The following RYR3 variants were observed in gnomAD, a reference collection of about 807,000 sequenced individuals.
RYR3 encodes the protein ryanodine receptor 3, also known as brain ryanodine receptor-calcium release channel.
In RYR3, 207 loss-of-function variants were observed where a neutral mutation model predicts 584.3. The ratio of observed to expected loss-of-function variants is 0.35; its 90% CI spans 0.32 to 0.40. RYR3 has a LOEUF of 0.40. Ranked by LOEUF, RYR3 falls within the 10% of genes least tolerant of loss-of-function variation. The pLI is 1.00. For missense variants in RYR3, 5,616 were observed against 6,089.2 expected, an observed-to-expected ratio of 0.92 and a Z score of 2.59; for synonymous variants, 2,416 against 2,248.5, an observed-to-expected ratio of 1.07 and a Z score of -2.11.
At chr15:33,473,242 G>C (rs2049080810) in intron 1 of RYR3, 177 bp from the exon 2 acceptor site, 2 of 781,374 alleles carry the variant, frequency 2.6e-6, no homozygotes, top group South Asian at 2.7e-5. Flanking sequence ...CACGGTAGAT[G>C]CTCCGTGATG....
Position 33,728,924 on chromosome 15 carries a change from G to C in RYR3, c.7101G>C (p.Leu2367=). The change falls in exon 47 of 104, where the codon CTG becomes CTC. Residue 2367 remains leucine (L), a synonymous_variant. Coordinates refer to ENST00000634891, the MANE Select transcript of RYR3 (RefSeq NM_001036.6). The stretch of plus-strand genomic sequence containing the variant: ...CTGACCACAAGGCACCTATGGTGCT[G>C]TTCTTGGACCGCGTTTATGGCATTA... ...FCPDHKAPMV[L]FLDRVYGIKD... 6.2e-7 allele frequency: 1 copy of C among 1,613,770 alleles called. No individual in the cohort carries two copies. The highest frequency in any genetic ancestry group is 8.5e-7 in the Non-Finnish European group (1 of 1,179,818).
intron 1 of RYR3, among the ~76,000 whole-genome samples, chr15:33,313,162 T>C (rs1000408170): frequency 4.6e-5 from 7 of 152,358 alleles, no homozygotes; most frequent in Non-Finnish European, 1.0e-4. Flanking sequence ...TAAGGTGTGT[T>C]CCTCATTTCT....
chr15:33,418,850 C>A (rs2044019297), intron 1 of RYR3, among the ~76,000 whole-genome samples: 1 of 151,914 alleles, frequency 6.6e-6, no homozygotes, highest in African/African-American at 2.4e-5. Flanking sequence ...AGAATCAAGG[C>A]AATAAGCTAG....
intron 2 of RYR3, among the ~76,000 whole-genome samples, chr15:33,486,038 A>AGTTT (rs3084447): frequency 0.44 from 67,285 of 151,654 alleles, 15,711 homozygotes; most frequent in Non-Finnish European, 0.52. Context: ...AGAGTAGAGG[A>AGTTT]CATAGAAACA....
At chr15:33,722,578 C>T (rs576385456) in intron 43 of RYR3, 137 bp from the exon 44 acceptor site, 24 of 763,578 alleles carry the variant, frequency 3.1e-5, no homozygotes, top group African/African-American at 3.0e-4. Flanking sequence ...ACTCCCACTG[C>T]CCACTTGACT....
chr15:33,613,332 G>A lies in RYR3; in HGVS notation c.2314G>A (p.Asp772Asn), dbSNP rs370677674. 10 of 1,613,054 alleles carry A rather than the reference G, an allele frequency of 6.2e-6. No individual in the cohort carries two copies. In the African/African-American group the frequency reaches 1.1e-4, roughly 17 times the overall value. The change falls in exon 19 of 104, where the codon GAC becomes AAC. Residue 772 changes from aspartate (D) to asparagine (N), a missense_variant. Asp to Asn is a conservative substitution (Grantham distance 23, BLOSUM62 1). Coordinates refer to ENST00000634891, the MANE Select transcript of RYR3 (RefSeq NM_001036.6). ...GGGGATGTTTGAGAACTTCAACACA[G>A]ACGGGCTCTTCTTCCCTGTGATGAG... is the stretch of plus-strand genomic sequence containing the variant. ...VQGMFENFNT[D>N]GLFFPVMSFS...
chr15:33,807,949 G>A (rs35690929), intron 70 of RYR3: 29,192 of 248,606 alleles, frequency 0.12, 2,258 homozygotes, highest in Non-Finnish European at 0.15. Flanking sequence ...TTTATTAGTG[G>A]TCTCAGCCCT....
chr15:33,770,552 G>A (rs1025158586), intron 62 of RYR3, among the ~76,000 whole-genome samples: 2 of 152,004 alleles, frequency 1.3e-5, no homozygotes, highest in Non-Finnish European at 2.9e-5. Context: ...AGGAGTTCAA[G>A]ACCAGTCTGG....
chr15:33,706,437 CTT>C (rs1239731593), intron 42 of RYR3, among the ~76,000 whole-genome samples: 1 of 152,154 alleles, frequency 6.6e-6, no homozygotes, highest in African/African-American at 2.4e-5. Flanking sequence ...TACTTTCTGT[CTT>C]TATGGGTTTT....
At chr15:33,756,951 C>A (rs528658351) in intron 59 of RYR3, among the ~76,000 whole-genome samples, 1 of 152,146 alleles carries the variant, frequency 6.6e-6, no homozygotes, top group East Asian at 1.9e-4. Flanking sequence ...CTGGGTGATA[C>A]GTTTTCTGCC....
intron 1 of RYR3, among the ~76,000 whole-genome samples, chr15:33,389,429 G>A (rs932164563): frequency 6.6e-6 from 1 of 152,208 alleles, no homozygotes; most frequent in African/African-American, 2.4e-5. Context: ...AAAAGTGGTT[G>A]CTACTAGGGA....
intron 28 of RYR3, 141 bp downstream of exon 28, chr15:33,644,660 A>G: frequency 3.1e-6 from 2 of 641,946 alleles, no homozygotes; most frequent in South Asian, 3.8e-5. Context: ...TCTGGCCCTC[A>G]GAGCTGCAGT....
At chr15:33,456,389 T>C (rs1412010004) in intron 1 of RYR3, among the ~76,000 whole-genome samples, 1 of 152,228 alleles carries the variant, frequency 6.6e-6, no homozygotes, top group Non-Finnish European at 1.5e-5. Flanking sequence ...AGGAAGTTTT[T>C]TAATCAGAAA....
chr15:33,818,405 C>G (rs751580797), intron 75 of RYR3, among the ~76,000 whole-genome samples, 173 bp from the exon 76 acceptor site: 12 of 152,154 alleles, frequency 7.9e-5, no homozygotes, highest in Non-Finnish European at 1.6e-4. Flanking sequence ...TATCTCAAAC[C>G]TCGCACCTTT....
intron 97 of RYR3, 83 bp downstream of exon 97, chr15:33,854,532 A>C: frequency 8.1e-7 from 1 of 1,227,200 alleles, no homozygotes. Flanking sequence ...GGATGCTCAG[A>C]AGGGTTCAGG....
intron 94 of RYR3, chr15:33,849,987 T>C (rs1038314617): frequency 6.6e-6 from 1 of 152,188 alleles, no homozygotes; most frequent in Admixed American, 6.5e-5. Context: ...TCTTAGACAC[T>C]ATTGAATAGT....
chr15:33,724,204 C>A, intron 45 of RYR3, 28 bp downstream of exon 45: 2 of 1,259,296 alleles, frequency 1.6e-6, no homozygotes, highest in Non-Finnish European at 2.3e-6. Flanking sequence ...CAGAGAACAG[C>A]TTTGAGAAAC....
chr15:33,497,489 A>G (rs1287354500), intron 2 of RYR3, among the ~76,000 whole-genome samples: 1 of 152,194 alleles, frequency 6.6e-6, no homozygotes, highest in Non-Finnish European at 1.5e-5. Flanking sequence ...TGCTGCTGCT[A>G]CTTTAATTTA....
intron 42 of RYR3, among the ~76,000 whole-genome samples, chr15:33,703,332 G>T (rs776124415): frequency 2.0e-5 from 3 of 152,180 alleles, no homozygotes; most frequent in Non-Finnish European, 4.4e-5. Flanking sequence ...CCATAACAAA[G>T]TACCACAGGT....
Sources: gnomAD v4.1 joint callset for allele counts (sites outside exome capture counted in the v4.1 genomes callset) on GRCh38, gnomAD v4.1.1 for gene constraint, MANE v1.5 for transcripts, NCBI Gene and HGNC (gene_info 2026-07-23, HGNC 2026-07-21) for gene names.